KIRREL3: variants seen among roughly 807,000 people sequenced by gnomAD.
KIRREL3 encodes kin of IRRE-like protein 3.
KIRREL3 carries 36 observed loss-of-function variants against 89.7 expected under a neutral mutation model. The ratio of observed to expected loss-of-function variants is 0.40; its 90% CI spans 0.31 to 0.53. The LOEUF (loss-of-function observed/expected upper bound fraction) is 0.53. Ranked by LOEUF, KIRREL3 falls within the 20% of genes least tolerant of loss-of-function variation. The pLI is 0.49. For missense variants in KIRREL3, 864 were observed against 1,056.6 expected, an observed-to-expected ratio of 0.82 and a Z score of 2.53; for synonymous variants, 445 against 441.4, an observed-to-expected ratio of 1.01 and a Z score of -0.10.
At chr11:126,809,419 C>T (rs1241538813) in intron 1 of KIRREL3, among the ~76,000 whole-genome samples, 1 of 152,096 alleles carries the variant, frequency 6.6e-6, no homozygotes, top group Non-Finnish European at 1.5e-5. Flanking sequence ...ACTGACCGTG[C>T]CCCCCAAGGA....
In KIRREL3 at chr11:126,997,512, T is replaced by A. The variant is rs1362628872; in HGVS notation, c.55+2943A>T. 6.6e-6 allele frequency among the ~76,000 whole-genome samples: 1 copy of A among 151,554 alleles called. No homozygotes were observed. The highest frequency in any genetic ancestry group is 1.5e-5 in the Non-Finnish European group (1 of 67,978). ...CACCTTAAGAAAGATAAAGAAATAC[T>A]TGATCTCAATCTACATGAAAAGCCC... On this transcript the variant is annotated intron_variant, in intron 1 of 16. Transcript: ENST00000525144. The surrounding 1 kb of genome is among the most constrained non-coding windows in gnomAD (Gnocchi z 4.3).
intron 1 of KIRREL3, among the ~76,000 whole-genome samples, chr11:126,777,129 T>C (rs1265418383): frequency 6.6e-6 from 1 of 152,146 alleles, no homozygotes; most frequent in African/African-American, 2.4e-5. Flanking sequence ...GTGGAGTGTA[T>C]TGCTTGCTAA....
At position 126,611,905 on chromosome 11, in the gene KIRREL3, C is replaced by T. The variant is rs1026183969; in HGVS notation, c.56-48993G>A. ...TCTAGGACCTGCCGATGCCCTCTGT[C>T]CTTCTCTGGTGACTTTGTCCACGTG... On this transcript the variant is annotated intron_variant, in intron 1 of 16. Transcript: ENST00000525144. The surrounding 1 kb of genome is among the most constrained non-coding windows in gnomAD (Gnocchi z 4.7). Among the ~76,000 whole-genome samples the T allele has an allele frequency of 1.3e-5, 2 of 152,190 alleles. No individual in the cohort carries two copies. Among genetic ancestry groups the T allele is most frequent in the East Asian group, 1.9e-4 (1 of 5,196 alleles).
rs1407973927 is a variant in KIRREL3, at chr11:126,909,545, A to G, written c.55+90910T>C. Among the ~76,000 whole-genome samples the G allele has an allele frequency of 2.6e-5, 4 of 151,990 alleles. No individual in the cohort carries two copies. The highest frequency in any genetic ancestry group is 5.9e-5 in the Non-Finnish European group (4 of 68,010). ...AGTTGAGATACACCGCCCACAATACACCCCGTGGGTAATTAACAACCGAGA... is the reference window on the plus strand; with the variant it reads ...AGTTGAGATACACCGCCCACAATACGCCCCGTGGGTAATTAACAACCGAGA... On this transcript the variant is annotated intron_variant, in intron 1 of 16. Coordinates refer to ENST00000525144, the MANE Select transcript of KIRREL3 (RefSeq NM_032531.4). This position sits in a 1 kb window ranked among gnomAD's most constrained non-coding sequence, Gnocchi z 4.5.
At chr11:126,726,669 G>C (rs116738437) in intron 1 of KIRREL3, among the ~76,000 whole-genome samples, 1 of 151,912 alleles carries the variant, frequency 6.6e-6, no homozygotes, top group Non-Finnish European at 1.5e-5. Context: ...GAGCCACTGC[G>C]CCCAGCCACA....
At chr11:126,884,966 G>C (rs1945644484) in intron 1 of KIRREL3, among the ~76,000 whole-genome samples, 1 of 152,154 alleles carries the variant, frequency 6.6e-6, no homozygotes, top group Non-Finnish European at 1.5e-5. Flanking sequence ...TTAATGTTGA[G>C]TGAAAAGGCA....
intron 1 of KIRREL3, among the ~76,000 whole-genome samples, chr11:126,973,100 G>A (rs66638909): frequency 0.2 from 23,743 of 119,510 alleles, 2,550 homozygotes; most frequent in East Asian, 0.42. Flanking sequence ...AAGTTTTGAG[G>A]AAAAAAAAAA....
chr11:126,783,503 C>CA lies in KIRREL3; in HGVS notation c.55+216951dup, dbSNP rs1565727941. 6.6e-6 allele frequency among the ~76,000 whole-genome samples: 1 copy of CA among 152,058 alleles called. No homozygotes were observed. The highest frequency in any genetic ancestry group is 2.4e-5 in the African/African-American group (1 of 41,380). Reference sequence around the variant, plus strand: ...ATCCAACACATAACATATTCTCTTCCAAAAAAGCCACACTAATGAGGGTCT... The same window carrying CA: ...ATCCAACACATAACATATTCTCTTCCAAAAAAAGCCACACTAATGAGGGTCT... On this transcript the variant is annotated intron_variant, in intron 1 of 16. Coordinates refer to ENST00000525144, the MANE Select transcript of KIRREL3 (RefSeq NM_032531.4). This position sits in a 1 kb window ranked among gnomAD's most constrained non-coding sequence, Gnocchi z 4.3.
At chr11:126,688,456 G>T (rs1346176009) in intron 1 of KIRREL3, among the ~76,000 whole-genome samples, 1 of 152,128 alleles carries the variant, frequency 6.6e-6, no homozygotes, top group Admixed American at 6.5e-5. Flanking sequence ...ACAATGTTTT[G>T]GTTGCCTATT....
At chr11:126,613,956 G>A (rs1409059644) in intron 1 of KIRREL3, among the ~76,000 whole-genome samples, 3 of 133,612 alleles carry the variant, frequency 2.2e-5, no homozygotes, top group Admixed American at 8.8e-5. Flanking sequence ...TTTCTAAACA[G>A]GCCTTGCTGA....
chr11:126,451,189 C>T (rs927591918), intron 7 of KIRREL3, among the ~76,000 whole-genome samples: 12 of 111,458 alleles, frequency 1.1e-4, no homozygotes, highest in Admixed American at 2.8e-4. Flanking sequence ...GTGAATGTGG[C>T]CGTGTGTGTG....
At position 126,709,287 on chromosome 11, in the gene KIRREL3, C is replaced by T. The variant is rs1406666785; in HGVS notation, c.56-146375G>A. On this transcript the variant is annotated intron_variant, in intron 1 of 16. Coordinates refer to ENST00000525144, the MANE Select transcript of KIRREL3 (RefSeq NM_032531.4). The surrounding 1 kb of genome is among the most constrained non-coding windows in gnomAD (Gnocchi z 4.0). The stretch of plus-strand genomic sequence containing the variant: ...TGCCTTGACTAGTTGGCTTTATCAT[C>T]TCCTCTATCCCAAGATGACCTTTGG... Among the ~76,000 whole-genome samples, 1 of 152,200 alleles carries T rather than the reference C, an allele frequency of 6.6e-6. No homozygotes were observed. The highest frequency in any genetic ancestry group is 1.5e-5 in the Non-Finnish European group (1 of 68,040).
Position 126,461,882 on chromosome 11 carries a change from G to A in KIRREL3, c.742+1275C>T, listed in dbSNP as rs530043411. On this transcript the variant is annotated intron_variant, in intron 6 of 16. Transcript: ENST00000525144. ...ATGAGTAAAAGGCTAAGGAGGACAC[G>A]AATGCCAGCCTGCAGCTCCAGCCTT... is the stretch of plus-strand genomic sequence containing the variant. Among the ~76,000 whole-genome samples, 23 of 152,320 alleles carry A rather than the reference G, an allele frequency of 1.5e-4. No homozygotes were observed. The East Asian group carries it at 4.4e-3, about 29-fold the overall frequency.
At chr11:126,961,441 T>A (rs1261992170) in intron 1 of KIRREL3, among the ~76,000 whole-genome samples, 1 of 152,158 alleles carries the variant, frequency 6.6e-6, no homozygotes, top group Non-Finnish European at 1.5e-5. Flanking sequence ...GAAGATGAAA[T>A]CAACCACAAC....
chr11:126,583,031 T>G (rs143588196), intron 1 of KIRREL3, among the ~76,000 whole-genome samples: 21 of 152,266 alleles, frequency 1.4e-4, no homozygotes, highest in Non-Finnish European at 2.8e-4. Context: ...TTCTTGATAC[T>G]CAGACCCTCC....
intron 1 of KIRREL3, among the ~76,000 whole-genome samples, chr11:126,699,346 C>T (rs756255258): frequency 2.6e-5 from 4 of 152,178 alleles, no homozygotes; most frequent in Non-Finnish European, 5.9e-5. Flanking sequence ...ACAATTCATT[C>T]GACAAATATT....
chr11:126,998,549 C>T (rs528790414), intron 1 of KIRREL3, among the ~76,000 whole-genome samples: 7 of 152,296 alleles, frequency 4.6e-5, no homozygotes, highest in East Asian at 1.9e-4. Flanking sequence ...TTCTTCCTAG[C>T]GCTCTCAGGA....
rs1333486766 is a variant in KIRREL3 at position 126,431,758 on chromosome 11, GGGAACTGAGGTAAAGGGCAGA to G, written c.1589-253_1589-233del. Among the ~76,000 whole-genome samples, 2 of 152,112 alleles carry G rather than the reference GGGAACTGAGGTAAAGGGCAGA, an allele frequency of 1.3e-5. No homozygotes were observed. Among genetic ancestry groups the G allele is most frequent in the Non-Finnish European group, 2.9e-5 (2 of 68,028 alleles). ...GCTTGGTGGGTGGAGGAGAGGGCAGGGGAACTGAGGTAAAGGGCAGAGGAAGGAGAGCGAGGCAGGCAGACA... is the reference window on the plus strand; with the variant it reads ...GCTTGGTGGGTGGAGGAGAGGGCAGGGGAAGGAGAGCGAGGCAGGCAGACA... On this transcript the variant is annotated intron_variant, in intron 13 of 16. Coordinates refer to ENST00000525144, the MANE Select transcript of KIRREL3 (RefSeq NM_032531.4). This position sits in a 1 kb window ranked among gnomAD's most constrained non-coding sequence, Gnocchi z 7.1.
intron 1 of KIRREL3, among the ~76,000 whole-genome samples, chr11:126,968,219 AT>A (rs879795726): frequency 2.6e-5 from 4 of 151,982 alleles, no homozygotes; most frequent in Non-Finnish European, 4.4e-5. Context: ...ATGCTTCTGT[AT>A]TTTTTTTAAT....
Sources: allele counts gnomAD v4.1 joint callset (sites outside exome capture counted in the v4.1 genomes callset), GRCh38; gene constraint gnomAD v4.1.1; non-coding constraint Gnocchi (gnomAD v3.1); transcripts MANE v1.5; gene names NCBI Gene and HGNC (gene_info 2026-07-23, HGNC 2026-07-21).